POLR3H: variants seen among roughly 807,000 people sequenced by gnomAD.
POLR3H encodes the protein RNA polymerase III subunit H.
POLR3H carries 17 observed loss-of-function variants against 25.5 expected under a neutral mutation model. The observed-to-expected ratio is 0.67, with a 90% confidence interval of 0.46 to 1.00. The LOEUF is 1.00. POLR3H is among the 50% of genes least tolerant of loss of function. POLR3H has a pLI of 0.00. For missense variants in POLR3H, 274 were observed against 265.0 expected (o/e 1.03, Z -0.24); for synonymous variants, 129 against 103.0 (o/e 1.25, Z -1.53).
intron 4 of POLR3H, 49 bp downstream of exon 4, chr22:41,532,045 G>C: frequency 6.4e-7 from 1 of 1,563,658 alleles, no homozygotes. Context: ...CCTTCCTTTG[G>C]AGAGGCCTGA....
At position 41,528,050 on chromosome 22, in the gene POLR3H, G is replaced by T. The variant is rs1400800847; in HGVS notation, c.*1233C>A. 3 of 1,613,686 alleles carry T rather than the reference G, an allele frequency of 1.9e-6. No individual in the cohort carries two copies. In the African/African-American group the frequency reaches 4.0e-5, roughly 22 times the overall value. On this transcript the variant is annotated 3_prime_UTR_variant, in exon 6 of 6. Coordinates refer to ENST00000355209, the MANE Select transcript of POLR3H (RefSeq NM_001018050.4). ...TAGGGGCCCGGGTCCCCCTGAGGTG[G>T]TGGGGTGAGGGGCAGCCACCTTGTT...
intron 4 of POLR3H, among the ~76,000 whole-genome samples, chr22:41,531,347 A>T (rs1020486397): frequency 2.6e-5 from 4 of 152,212 alleles, no homozygotes; most frequent in African/African-American, 7.2e-5. Flanking sequence ...ACAGGTGGTG[A>T]GAGAACCAGC....
chr22:41,538,988 G>T (rs192135337), intron 2 of POLR3H, among the ~76,000 whole-genome samples: 13 of 152,246 alleles, frequency 8.5e-5, no homozygotes, highest in South Asian at 4.2e-4. Flanking sequence ...TGGGGCTGGG[G>T]GCAGTGGCTC....
chr22:41,532,846 C>G, intron 2 of POLR3H, 101 bp from the exon 3 acceptor site: 1 of 1,252,644 alleles, frequency 8.0e-7, no homozygotes. Flanking sequence ...TGTGGCTGCT[C>G]CATGCCACAT....
At position 41,530,671 on chromosome 22, in the gene POLR3H, C is replaced by T. The variant is rs1336819106; in HGVS notation, c.561+16G>A. On this transcript the variant is annotated intron_variant, in intron 5 of 5. Transcript: ENST00000355209. ...TCCCGCCTCATGGGGGCTTCAGCACCATCAGAGCCACTCACCACAAGCGTG... is the reference window on the plus strand; with the variant it reads ...TCCCGCCTCATGGGGGCTTCAGCACTATCAGAGCCACTCACCACAAGCGTG... 2 of 1,605,940 alleles carry T rather than the reference C, an allele frequency of 1.2e-6. No individual in the cohort carries two copies. Among genetic ancestry groups the T allele is most frequent in the African/African-American group, 2.7e-5 (2 of 74,802 alleles).
At chr22:41,534,281 G>C (rs2066802316) in intron 2 of POLR3H, among the ~76,000 whole-genome samples, 1 of 152,214 alleles carries the variant, frequency 6.6e-6, no homozygotes, top group Non-Finnish European at 1.5e-5. Flanking sequence ...CAAATGCTGG[G>C]CACCCGGAGT....
chr22:41,526,438 T>G lies in POLR3H; in HGVS notation c.*2845A>C, dbSNP rs2066598036. The G allele has an allele frequency of 6.2e-7, 1 of 1,612,894 alleles. No individual in the cohort carries two copies. Among genetic ancestry groups the G allele is most frequent in the Non-Finnish European group, 8.5e-7 (1 of 1,179,322 alleles). On this transcript the variant is annotated 3_prime_UTR_variant, in exon 6 of 6. Transcript: ENST00000355209. ...AGGAGTTTGGCCCCGTCCCTGACAC[T>G]GCCCGCTACTACAAGGTGGGTCAGA... is the stretch of plus-strand genomic sequence containing the variant.
At chr22:41,536,515 A>ATT in intron 2 of POLR3H, among the ~76,000 whole-genome samples, 1 of 151,914 alleles carries the variant, frequency 6.6e-6, no homozygotes, top group Non-Finnish European at 1.5e-5. Flanking sequence ...TGTTATGTAT[A>ATT]TTTTACCACA....
rs894519509 is a variant in POLR3H at position 41,527,642 on chromosome 22, T to TA, written c.*1640_*1641insT. The TA allele has an allele frequency of 1.1e-4, 88 of 797,892 alleles. No individual in the cohort carries two copies. In the African/African-American group the frequency reaches 1.4e-3, roughly 13 times the overall value. The allele number at this position is 797,892 out of a possible 1,614,324, so 49.4% of individuals were successfully genotyped here. ...TTCCAGGCTTGTAGATCTGAGCCGCTGAGATCTAGGACATGTGCCAGGGGG... is the reference window on the plus strand; with the variant it reads ...TTCCAGGCTTGTAGATCTGAGCCGCTAGAGATCTAGGACATGTGCCAGGGGG... On this transcript the variant is annotated 3_prime_UTR_variant, in exon 6 of 6. Transcript: ENST00000355209.
intron 2 of POLR3H, among the ~76,000 whole-genome samples, chr22:41,538,507 G>A (rs537758795): frequency 3.1e-4 from 47 of 152,126 alleles, no homozygotes; most frequent in African/African-American, 1.1e-3. Flanking sequence ...TGATGCACCC[G>A]CCTTTACCTC....
At position 41,528,244 on chromosome 22, in the gene POLR3H, C is replaced by A; in HGVS notation, c.*1039G>T. 2.4e-6 allele frequency: 2 copies of A among 832,516 alleles called. No homozygotes were observed. The highest frequency in any genetic ancestry group is 3.7e-6 in the Non-Finnish European group (2 of 547,558). The allele number at this position is 832,516 out of a possible 1,614,324, so 51.6% of individuals were successfully genotyped here. A position where few individuals can be genotyped will look rare whatever the true frequency, so the allele number is the denominator to read the frequency against. ...ACCTCCCCAACCTCCCTTTACTCAC[C>A]AGGACCTGGCACTCAGGGGACAGCC... On this transcript the variant is annotated 3_prime_UTR_variant, in exon 6 of 6. Transcript: ENST00000355209.
chr22:41,542,435 C>T (rs1369126187), intron 1 of POLR3H, among the ~76,000 whole-genome samples: 2 of 152,046 alleles, frequency 1.3e-5, no homozygotes. Context: ...GCCTTCAGGG[C>T]TCTTCTCTCC....
intron 2 of POLR3H, among the ~76,000 whole-genome samples, chr22:41,537,965 A>ATT (rs564442384): frequency 4.4e-4 from 56 of 127,728 alleles, no homozygotes; most frequent in East Asian, 3.0e-3. Flanking sequence ...GACCTGGCTA[A>ATT]TTTTTTTTTT....
At position 41,529,187 on chromosome 22, in the gene POLR3H, A is replaced by ACTAT; in HGVS notation, c.*92_*95dup. The ACTAT allele has an allele frequency of 1.8e-6, 2 of 1,118,962 alleles. No individual in the cohort carries two copies. Among genetic ancestry groups the ACTAT allele is most frequent in the South Asian group, 1.4e-5 (1 of 71,380 alleles). 69.3% of individuals were successfully genotyped at this position (1,118,962 alleles called of 1,614,324 possible). A position where few individuals can be genotyped will look rare whatever the true frequency, so the allele number is the denominator to read the frequency against. ...CTTGCCTCACTGTCCAGCTCGAGAC[A>ACTAT]CTATCTCCTTAGCATCGGCCTCAGC... On this transcript the variant is annotated 3_prime_UTR_variant, in exon 6 of 6. Transcript: ENST00000355209.
At position 41,529,179 on chromosome 22, in the gene POLR3H, C is replaced by T. The variant is rs2066668648; in HGVS notation, c.*104G>A. The T allele has an allele frequency of 1.9e-6, 2 of 1,049,524 alleles. No individual in the cohort carries two copies. Among genetic ancestry groups the T allele is most frequent in the African/African-American group, 1.6e-5 (1 of 63,860 alleles). The allele number at this position is 1,049,524 out of a possible 1,614,324, so 65.0% of individuals were successfully genotyped here. ...CTCCTGGCCTTGCCTCACTGTCCAG[C>T]TCGAGACACTATCTCCTTAGCATCG... On this transcript the variant is annotated 3_prime_UTR_variant, in exon 6 of 6. Transcript: ENST00000355209.
chr22:41,543,390 G>A lies in POLR3H; in HGVS notation c.111+601C>T, dbSNP rs377267388. ...CACCTGTAATCCCAGCACTTTGGGAGGCCGAGGCGGGGGGATCAAGAGATC... is the reference window on the plus strand; with the variant it reads ...CACCTGTAATCCCAGCACTTTGGGAAGCCGAGGCGGGGGGATCAAGAGATC... On this transcript the variant is annotated intron_variant, in intron 1 of 5. Coordinates refer to ENST00000355209, the MANE Select transcript of POLR3H (RefSeq NM_001018050.4). Among the ~76,000 whole-genome samples the A allele has an allele frequency of 4.9e-4, 75 of 152,266 alleles. No homozygotes were observed. The South Asian group carries it at 7.3e-3, about 15-fold the overall frequency.
chr22:41,527,071 A>C lies in POLR3H; in HGVS notation c.*2212T>G, dbSNP rs187304570. 525 of 645,182 alleles carry C rather than the reference A, an allele frequency of 8.1e-4. 6 individuals are homozygous for C. In the African/African-American group the frequency reaches 8.3e-3, roughly 10 times the overall value. 40.0% of individuals were successfully genotyped at this position (645,182 alleles called of 1,614,324 possible). A position where few individuals can be genotyped will look rare whatever the true frequency, so the allele number is the denominator to read the frequency against. ...TTCTGTCTTCTTTGCCACTGCAAAC[A>C]ACCACGTGCCTCTGTCCCCTCGGGG... On this transcript the variant is annotated 3_prime_UTR_variant, in exon 6 of 6. Coordinates refer to ENST00000355209, the MANE Select transcript of POLR3H (RefSeq NM_001018050.4).
intron 2 of POLR3H, among the ~76,000 whole-genome samples, chr22:41,535,814 A>C (rs1297985340): frequency 1.3e-5 from 2 of 152,138 alleles, no homozygotes; most frequent in Non-Finnish European, 2.9e-5. Flanking sequence ...TCTCTACTAA[A>C]AATACAAAAT....
chr22:41,532,281 G>A, intron 3 of POLR3H, 124 bp from the exon 4 acceptor site: 4 of 941,732 alleles, frequency 4.2e-6, no homozygotes, highest in Non-Finnish European at 6.7e-6. Context: ...TGTCGCTGTG[G>A]AAACCTAGGC....
Sources: allele counts gnomAD v4.1 joint callset (sites outside exome capture counted in the v4.1 genomes callset), GRCh38; gene constraint gnomAD v4.1.1; transcripts MANE v1.5; gene names NCBI Gene and HGNC (gene_info 2026-07-23, HGNC 2026-07-21).